Variants in SLC24A2 observed in about 807,000 individuals in gnomAD.
The protein encoded by SLC24A2 is solute carrier family 24 member 2, also known as sodium/potassium/calcium exchanger 2.
Under a neutral mutation model 62.0 loss-of-function variants are expected in SLC24A2, and 36 were observed. The ratio of observed to expected loss-of-function variants is 0.58; its 90% CI spans 0.44 to 0.77. SLC24A2 has a LOEUF of 0.77. Ranked by LOEUF, SLC24A2 falls within the 30% of genes least tolerant of loss-of-function variation. SLC24A2 has a pLI of 0.00. For missense variants in SLC24A2, 846 were observed against 817.9 expected (o/e 1.03, Z -0.42); for synonymous variants, 358 against 294.0 (o/e 1.22, Z -2.23).
the SLC24A2 span, among the ~76,000 whole-genome samples, chr9:19,830,221 T>C: frequency 6.6e-6 from 1 of 152,188 alleles, no homozygotes; most frequent in African/African-American, 2.4e-5. Context: ...TAAAAGAAAT[T>C]GCTAGACACT....
chr9:20,224,273 G>C, the SLC24A2 span, among the ~76,000 whole-genome samples: 5 of 151,932 alleles, frequency 3.3e-5, no homozygotes, highest in Admixed American at 3.3e-4. Flanking sequence ...ATGTCTTTAT[G>C]TCTTCAAGCT....
the SLC24A2 span, among the ~76,000 whole-genome samples, chr9:19,934,683 G>A: frequency 6.6e-6 from 1 of 152,198 alleles, no homozygotes; most frequent in South Asian, 2.1e-4. This position sits in a 1 kb window ranked among gnomAD's most constrained non-coding sequence, Gnocchi z 4.1. Context: ...TGGGAAAATC[G>A]CGGCGAAGAG....
At chr9:19,619,833 T>C (rs1226749374) in intron 3 of SLC24A2, 141 bp from the exon 4 acceptor site, 1 of 714,328 alleles carries the variant, frequency 1.4e-6, no homozygotes, top group Non-Finnish European at 2.5e-6. Flanking sequence ...TCAAAGCACA[T>C]TTCAAAGCCC....
At chr9:19,943,972 A>G in the SLC24A2 span, among the ~76,000 whole-genome samples, 7 of 152,212 alleles carry the variant, frequency 4.6e-5, no homozygotes, top group Non-Finnish European at 8.8e-5. Context: ...TAAACATTAG[A>G]TGATTCAAAG....
the SLC24A2 span, among the ~76,000 whole-genome samples, chr9:20,116,379 G>A: frequency 1.3e-5 from 2 of 152,154 alleles, no homozygotes; most frequent in South Asian, 4.1e-4. Context: ...TTCAAAGAAA[G>A]CATTCATTGT....
upstream of SLC24A2, among the ~76,000 whole-genome samples, chr9:19,793,142 G>A (rs1015332377): frequency 7.9e-5 from 12 of 152,314 alleles, no homozygotes; most frequent in South Asian, 2.1e-4. Flanking sequence ...CTTAAAGGAA[G>A]GTGAGTCAAT....
At chr9:19,697,250 A>G (rs1176879358) in intron 2 of SLC24A2, among the ~76,000 whole-genome samples, 3 of 152,172 alleles carry the variant, frequency 2.0e-5, no homozygotes, top group African/African-American at 7.2e-5. Context: ...ATATGGACAC[A>G]TGGTGGGGAA....
chr9:19,703,771 T>C (rs1357362799), intron 2 of SLC24A2, among the ~76,000 whole-genome samples: 3 of 152,192 alleles, frequency 2.0e-5, no homozygotes, highest in African/African-American at 7.2e-5. Context: ...TGCACATATA[T>C]GACAGGAAGT....
intron 2 of SLC24A2, among the ~76,000 whole-genome samples, chr9:19,709,781 A>G (rs1820658741): frequency 6.6e-6 from 1 of 150,466 alleles, no homozygotes; most frequent in South Asian, 2.2e-4. Flanking sequence ...GGATAGCATT[A>G]GGAGATATAC....
intron 5 of SLC24A2, among the ~76,000 whole-genome samples, chr9:19,591,053 G>A (rs552967508): frequency 2.0e-4 from 30 of 151,750 alleles, no homozygotes; most frequent in East Asian, 1.6e-3. Flanking sequence ...CTTTTTTCCC[G>A]GACTCTAGAC....
chr9:20,193,222 G>A, the SLC24A2 span, among the ~76,000 whole-genome samples: 1 of 152,100 alleles, frequency 6.6e-6, no homozygotes, highest in Non-Finnish European at 1.5e-5. Context: ...TGAAAGGAAT[G>A]GGTTTGAAAT....
At chr9:19,665,232 G>C (rs1819215800) in intron 2 of SLC24A2, among the ~76,000 whole-genome samples, 1 of 152,198 alleles carries the variant, frequency 6.6e-6, no homozygotes, top group African/African-American at 2.4e-5. Flanking sequence ...AGATTGTTTA[G>C]AAGTGTTGTT....
chr9:20,068,907 T>C, the SLC24A2 span, among the ~76,000 whole-genome samples: 3 of 152,212 alleles, frequency 2.0e-5, no homozygotes, highest in African/African-American at 7.2e-5. Context: ...CTCCTAGTTC[T>C]TTATTTCCAG....
the SLC24A2 span, among the ~76,000 whole-genome samples, chr9:20,068,904 T>C: frequency 6.6e-6 from 1 of 152,212 alleles, no homozygotes; most frequent in African/African-American, 2.4e-5. Flanking sequence ...TGACTCCTAG[T>C]TCTTTATTTC....
At chr9:19,766,211 G>C (rs1043007415) in intron 2 of SLC24A2, among the ~76,000 whole-genome samples, 1 of 152,152 alleles carries the variant, frequency 6.6e-6, no homozygotes, top group Admixed American at 6.5e-5. Context: ...CTTTTATCAA[G>C]GTTCTTAGCT....
At chr9:20,066,375 G>A in the SLC24A2 span, among the ~76,000 whole-genome samples, 1 of 152,132 alleles carries the variant, frequency 6.6e-6, no homozygotes, top group Non-Finnish European at 1.5e-5. Context: ...AGCTTTGAGG[G>A]AGAGAGAAGA....
intron 2 of SLC24A2, among the ~76,000 whole-genome samples, chr9:19,772,870 T>A (rs992543906): frequency 1.3e-5 from 2 of 152,176 alleles, no homozygotes; most frequent in African/African-American, 4.8e-5. Flanking sequence ...AAAACATGTA[T>A]TCACACAAAC....
At chr9:20,039,883 C>T in the SLC24A2 span, among the ~76,000 whole-genome samples, 2 of 152,144 alleles carry the variant, frequency 1.3e-5, no homozygotes, top group African/African-American at 4.8e-5. Context: ...TTTAATATTC[C>T]TTCATTTATT....
chr9:19,989,805 G>A, the SLC24A2 span, among the ~76,000 whole-genome samples: 8 of 152,154 alleles, frequency 5.3e-5, no homozygotes, highest in Non-Finnish European at 8.8e-5. Flanking sequence ...AAAAGTGCAT[G>A]GGCTTTGTAA....
Sources: gnomAD v4.1 joint callset for allele counts (sites outside exome capture counted in the v4.1 genomes callset) on GRCh38, gnomAD v4.1.1 for gene constraint, Gnocchi (gnomAD v3.1) non-coding constraint, MANE v1.5 for transcripts, NCBI Gene and HGNC (gene_info 2026-07-23, HGNC 2026-07-21) for gene names.